Variants in CFDP1 observed in about 807,000 individuals in gnomAD.
CFDP1 encodes the protein heterochromatin-stabilizing protein CFDP1.
Under a neutral mutation model 40.1 loss-of-function variants are expected in CFDP1, and 31 were observed. The observed-to-expected ratio is 0.77, with a 90% CI of 0.58 to 1.04. The LOEUF (loss-of-function observed/expected upper bound fraction) is 1.04, where lower values mean the gene tolerates loss of function less well. CFDP1 is among the 50% of genes least tolerant of loss of function. The pLI, the probability that CFDP1 is intolerant of heterozygous loss-of-function variation, is 0.00. For synonymous variants in CFDP1, 167 were observed against 120.0 expected (o/e 1.39, Z -2.56); for missense variants, 423 against 343.4 (o/e 1.23, Z -1.83).
At chr16:75,430,506 C>A (rs554316634) in intron 1 of CFDP1, among the ~76,000 whole-genome samples, 139 of 151,880 alleles carry the variant, frequency 9.2e-4, no homozygotes, top group African/African-American at 3.0e-3. Context: ...GCTCTGTTAC[C>A]CAGGCTGGAG....
intron 5 of CFDP1, among the ~76,000 whole-genome samples, chr16:75,318,883 A>G (rs2078344104): frequency 6.6e-6 from 1 of 152,196 alleles, no homozygotes; most frequent in South Asian, 2.1e-4. Flanking sequence ...GGGTGTCCTC[A>G]GTCAAATCAG....
At chr16:75,348,385 T>C (rs1252723724) in intron 5 of CFDP1, among the ~76,000 whole-genome samples, 1 of 152,224 alleles carries the variant, frequency 6.6e-6, no homozygotes, top group Admixed American at 6.5e-5. Flanking sequence ...ATGGGAACTC[T>C]GTACTATCTT....
chr16:75,368,028 C>T (rs1211361979), intron 5 of CFDP1, among the ~76,000 whole-genome samples: 3 of 152,020 alleles, frequency 2.0e-5, no homozygotes, highest in African/African-American at 7.2e-5. Flanking sequence ...CGCTTGAACA[C>T]GGGAGGCAGA....
At chr16:75,336,788 G>A (rs72787103) in intron 5 of CFDP1, among the ~76,000 whole-genome samples, 317 of 152,310 alleles carry the variant, frequency 2.1e-3, no homozygotes, top group Non-Finnish European at 3.9e-3. Context: ...TGTCAAAAGT[G>A]TTATTTTAGG....
At chr16:75,346,875 C>G (rs113504911) in intron 5 of CFDP1, among the ~76,000 whole-genome samples, 20 of 152,136 alleles carry the variant, frequency 1.3e-4, no homozygotes, top group African/African-American at 4.8e-4. Context: ...TTGCCCACCC[C>G]ACTCCTGAAA....
intron 5 of CFDP1, among the ~76,000 whole-genome samples, chr16:75,377,288 A>C (rs1340947711): frequency 1.3e-5 from 2 of 152,270 alleles, no homozygotes; most frequent in African/African-American, 4.8e-5. Context: ...TGTTTGATAC[A>C]TGATGAATAG....
chr16:75,347,077 G>C (rs1024544551), intron 5 of CFDP1, among the ~76,000 whole-genome samples: 9 of 152,146 alleles, frequency 5.9e-5, no homozygotes, highest in African/African-American at 2.2e-4. Flanking sequence ...AGGCACGGGG[G>C]GCTCACACCT....
chr16:75,323,642 G>C (rs2078381985), intron 5 of CFDP1, among the ~76,000 whole-genome samples: 1 of 152,082 alleles, frequency 6.6e-6, no homozygotes, highest in Non-Finnish European at 1.5e-5. Context: ...TGCCGGGCCT[G>C]GTGGAGCGTG....
chr16:75,379,611 G>T (rs986508347), intron 5 of CFDP1, among the ~76,000 whole-genome samples: 15 of 152,104 alleles, frequency 9.9e-5, no homozygotes, highest in Non-Finnish European at 1.9e-4. Flanking sequence ...AGGGGGTGAG[G>T]GCAGGAGGAA....
chr16:75,358,096 A>T (rs934259290), intron 5 of CFDP1, among the ~76,000 whole-genome samples: 2 of 152,206 alleles, frequency 1.3e-5, no homozygotes, highest in Admixed American at 6.5e-5. Flanking sequence ...CTCCAAAACA[A>T]TTACAATAGT....
At chr16:75,302,260 T>C (rs956212024) in intron 6 of CFDP1, among the ~76,000 whole-genome samples, 1 of 152,156 alleles carries the variant, frequency 6.6e-6, no homozygotes, top group Non-Finnish European at 1.5e-5. Flanking sequence ...TTTTTTTTAA[T>C]TGAAAATTTT....
At chr16:75,406,322 G>A (rs1295064716) in intron 4 of CFDP1, among the ~76,000 whole-genome samples, 1 of 151,330 alleles carries the variant, frequency 6.6e-6, no homozygotes, top group Non-Finnish European at 1.5e-5. Flanking sequence ...GGCTGTAGTG[G>A]GCCATGAGGG....
chr16:75,305,308 T>C (rs909771891), intron 5 of CFDP1, 126 bp from the exon 6 acceptor site: 2 of 918,284 alleles, frequency 2.2e-6, no homozygotes, highest in Non-Finnish European at 3.3e-6. Context: ...CATGTTCATA[T>C]TTGGGGCATT....
intron 1 of CFDP1, among the ~76,000 whole-genome samples, chr16:75,418,148 G>A (rs1189240472): frequency 6.6e-6 from 1 of 150,988 alleles, no homozygotes; most frequent in Non-Finnish European, 1.5e-5. Context: ...AGCTACTCAG[G>A]GAGCTGAGGC....
At chr16:75,297,145 C>CG (rs57113150) in intron 6 of CFDP1, among the ~76,000 whole-genome samples, 60,621 of 138,502 alleles carry the variant, frequency 0.44, 15,006 homozygotes, top group Admixed American at 0.59. Context: ...CTTCCCATTT[C>CG]TTGTGTGTGT....
chr16:75,432,466 G>A (rs1482305097), intron 1 of CFDP1, among the ~76,000 whole-genome samples: 1 of 151,202 alleles, frequency 6.6e-6, no homozygotes, highest in African/African-American at 2.4e-5. Context: ...CGGGAGGATC[G>A]CTTGAGCCCA....
chr16:75,332,962 C>T (rs2151515963), intron 5 of CFDP1, among the ~76,000 whole-genome samples: 1 of 151,276 alleles, frequency 6.6e-6, no homozygotes, highest in South Asian at 2.1e-4. Context: ...GCCCTGCCAC[C>T]ATGCCCGGCT....
chr16:75,384,855 T>C (rs1203455166), intron 5 of CFDP1, among the ~76,000 whole-genome samples: 1 of 9,306 alleles, frequency 1.1e-4, no homozygotes, highest in African/African-American at 3.6e-4. Context: ...ACTAAAACTA[T>C]ATATATATAT....
At chr16:75,346,697 A>C (rs542284258) in intron 5 of CFDP1, among the ~76,000 whole-genome samples, 4 of 143,694 alleles carry the variant, frequency 2.8e-5, no homozygotes, top group Non-Finnish European at 6.0e-5. Context: ...TGATTTTCCA[A>C]GATAGCTCTA....
Sources: allele counts gnomAD v4.1 joint callset (sites outside exome capture counted in the v4.1 genomes callset), GRCh38; gene constraint gnomAD v4.1.1; transcripts MANE v1.5; gene names NCBI Gene and HGNC (gene_info 2026-07-23, HGNC 2026-07-21).